Variants in NEK1 observed in about 807,000 individuals in gnomAD.
NEK1 encodes NIMA related kinase 1.
In NEK1, 137 loss-of-function variants were observed where a neutral mutation model predicts 182.1. The ratio of observed to expected loss-of-function variants is 0.75; its 90% CI spans 0.65 to 0.87. NEK1 has a LOEUF of 0.87. Ranked by LOEUF, NEK1 falls within the 40% of genes least tolerant of loss-of-function variation. NEK1 has a pLI of 0.00. For synonymous variants in NEK1, 513 were observed against 492.2 expected (o/e 1.04, Z -0.56); for missense variants, 1,391 against 1,494.4 (o/e 0.93, Z 1.14).
In NEK1 at chr4:169,561,740, G is replaced by A. The variant is rs779427782; in HGVS notation, c.1141-3C>T. 4 of 1,580,966 alleles carry A rather than the reference G, an allele frequency of 2.5e-6. No homozygotes were observed. In the East Asian group the frequency reaches 6.8e-5, roughly 27 times the overall value. Reference sequence around the variant, plus strand: ...TCAGCCTTCATTAAACTAATAATCTGTAACAATTTTAAAGACAAGCTTCTT... The same window carrying A: ...TCAGCCTTCATTAAACTAATAATCTATAACAATTTTAAAGACAAGCTTCTT... On this transcript the variant is annotated splice_region_variant and splice_polypyrimidine_tract_variant and intron_variant, in intron 14 of 35. Coordinates refer to ENST00000507142, the MANE Select transcript of NEK1 (RefSeq NM_001199397.3).
chr4:169,449,077 C>G (rs910956532), intron 27 of NEK1, among the ~76,000 whole-genome samples: 4 of 152,238 alleles, frequency 2.6e-5, no homozygotes, highest in Non-Finnish European at 4.4e-5. Flanking sequence ...TGAGATGGAT[C>G]TGCCAGGCAG....
At chr4:169,532,311 C>A (rs902118983) in intron 19 of NEK1, among the ~76,000 whole-genome samples, 1 of 152,058 alleles carries the variant, frequency 6.6e-6, no homozygotes, top group Non-Finnish European at 1.5e-5. Context: ...TGTTCTAACA[C>A]GAAGTATGTT....
At chr4:169,463,828 T>C (rs890054704) in intron 26 of NEK1, among the ~76,000 whole-genome samples, 2 of 152,148 alleles carry the variant, frequency 1.3e-5, no homozygotes, top group Non-Finnish European at 2.9e-5. Context: ...AGATAGAGTC[T>C]CACTATGTTG....
At chr4:169,598,289 C>T (rs1304673447) in intron 5 of NEK1, among the ~76,000 whole-genome samples, 1 of 152,088 alleles carries the variant, frequency 6.6e-6, no homozygotes, top group Non-Finnish European at 1.5e-5. Flanking sequence ...ACAAATACAA[C>T]ACTCCTAGCA....
chr4:169,544,599 G>GTTTTTTTTTTTTTT (rs139478702), intron 18 of NEK1, among the ~76,000 whole-genome samples: 1 of 66,266 alleles, frequency 1.5e-5, no homozygotes, highest in Non-Finnish European at 2.8e-5. Context: ...TCTGGTCATG[G>GTTTTTTTTTTTTTT]TTTTTTTTTT....
chr4:169,587,279 C>T (rs1767690006), intron 9 of NEK1, among the ~76,000 whole-genome samples: 1 of 151,586 alleles, frequency 6.6e-6, no homozygotes, highest in Non-Finnish European at 1.5e-5. Flanking sequence ...CAAATTCATA[C>T]AAAATTTAAC....
chr4:169,536,143 A>G (rs1190779781), intron 19 of NEK1, among the ~76,000 whole-genome samples: 1 of 151,880 alleles, frequency 6.6e-6, no homozygotes, highest in African/African-American at 2.4e-5. Flanking sequence ...AAAAAAATAC[A>G]AAACTTAGAT....
In NEK1 at chr4:169,406,693, C is replaced by T. The variant is rs1579340422; in HGVS notation, c.3277G>A (p.Asp1093Asn). The change falls in exon 32 of 36, where the codon GAT (aspartate) becomes AAT (asparagine). Residue 1093 changes from aspartate (D) to asparagine (N), a missense_variant. Physicochemically the swap from Asp to Asn is conservative, Grantham distance 23. Around this residue, in one of 5 missense-constraint regions of NEK1, gnomAD observed 1,216 missense variants for 1,277.6 expected, o/e 0.95. Coordinates refer to ENST00000507142, the MANE Select transcript of NEK1 (RefSeq NM_001199397.3). ...CGAACATCTCCTACGGTGGGAACAT[C>T]CATAAGGGTTCTGAACAGCTTTGAG... ...DLSKLFRTLMDVPTVGDVRQD... is the reference protein window; with the variant it reads ...DLSKLFRTLMNVPTVGDVRQD... The T allele has an allele frequency of 2.5e-6, 4 of 1,610,152 alleles. No homozygotes were observed. The East Asian group carries it at 8.9e-5, about 36-fold the overall frequency.
At chr4:169,429,804 C>T (rs1007384376) in intron 29 of NEK1, among the ~76,000 whole-genome samples, 3 of 152,184 alleles carry the variant, frequency 2.0e-5, no homozygotes, top group Non-Finnish European at 4.4e-5. Context: ...GCCTATTCAT[C>T]ACCTTTCCCC....
In NEK1 at chr4:169,479,604, C is replaced by A. The variant is rs575019486; in HGVS notation, c.2008-70G>T. ...GTATGAAGAAATAAAATGGTACCTACCAGATCACTATTTATCCACTCTATC... is the reference window on the plus strand; with the variant it reads ...GTATGAAGAAATAAAATGGTACCTAACAGATCACTATTTATCCACTCTATC... On this transcript the variant is annotated intron_variant, in intron 23 of 35. Transcript: ENST00000507142. 3.2e-6 allele frequency: 4 copies of A among 1,252,332 alleles called. No individual in the cohort carries two copies. The African/African-American group carries it at 6.1e-5, about 19-fold the overall frequency. The allele number at this position is 1,252,332 out of a possible 1,614,324, so 77.6% of individuals were successfully genotyped here.
chr4:169,570,914 C>A (rs1330141256), intron 12 of NEK1, among the ~76,000 whole-genome samples: 1 of 152,128 alleles, frequency 6.6e-6, no homozygotes, highest in Non-Finnish European at 1.5e-5. Context: ...TGTGCTGTGT[C>A]CACTCAGGGT....
chr4:169,525,018 G>A (rs1362903558), intron 19 of NEK1, among the ~76,000 whole-genome samples: 3 of 152,186 alleles, frequency 2.0e-5, no homozygotes, highest in African/African-American at 4.8e-5. Flanking sequence ...TTAGGGAAGA[G>A]TACAGAGGCT....
At chr4:169,427,578 T>C (rs752454600) in intron 29 of NEK1, among the ~76,000 whole-genome samples, 1 of 151,830 alleles carries the variant, frequency 6.6e-6, no homozygotes, top group Admixed American at 6.6e-5. Flanking sequence ...CACTGCCGCC[T>C]CCTCCTCCCA....
chr4:169,562,720 T>C (rs1051421512), intron 12 of NEK1, among the ~76,000 whole-genome samples: 6 of 152,168 alleles, frequency 3.9e-5, no homozygotes, highest in African/African-American at 1.4e-4. Context: ...GATTTTTACA[T>C]ACATGTAATA....
chr4:169,473,768 G>A (rs1378923442), intron 26 of NEK1, among the ~76,000 whole-genome samples: 1 of 152,080 alleles, frequency 6.6e-6, no homozygotes, highest in East Asian at 1.9e-4. Context: ...TTAATAGAGG[G>A]GAGAAAAGTG....
intron 31 of NEK1, among the ~76,000 whole-genome samples, chr4:169,414,764 C>T (rs1734245917): frequency 6.6e-6 from 1 of 152,142 alleles, no homozygotes; most frequent in African/African-American, 2.4e-5. Context: ...TTTAGACAAA[C>T]ATTCTTCACG....
At chr4:169,406,544 A>G (rs1315362497) in intron 32 of NEK1, 52 bp downstream of exon 32, 9 of 1,355,850 alleles carry the variant, frequency 6.6e-6, no homozygotes, top group Non-Finnish European at 8.9e-6. Flanking sequence ...TCTTTTTTAC[A>G]TATAAATTCA....
intron 19 of NEK1, among the ~76,000 whole-genome samples, chr4:169,511,753 T>C (rs1754227232): frequency 6.6e-6 from 1 of 152,168 alleles, no homozygotes; most frequent in Admixed American, 6.6e-5. Flanking sequence ...GTATTATTAC[T>C]GGAACACTTC....
At chr4:169,587,525 T>C (rs752430473) in intron 9 of NEK1, 34 bp downstream of exon 9, 1 of 1,211,090 alleles carries the variant, frequency 8.3e-7, no homozygotes, top group Non-Finnish European at 1.1e-6. Context: ...CTTTTTAACA[T>C]AACTTTGAAA....
Sources: gnomAD v4.1 joint callset for allele counts (sites outside exome capture counted in the v4.1 genomes callset) on GRCh38, gnomAD v4.1.1 for gene constraint, gnomAD v4.1.1 regional missense constraint, MANE v1.5 for transcripts, NCBI Gene and HGNC (gene_info 2026-07-23, HGNC 2026-07-21) for gene names.